Variants in GRK5 observed in about 807,000 individuals in gnomAD.
GRK5 encodes the protein g protein-coupled receptor kinase GRK5.
GRK5 carries 40 observed loss-of-function variants against 78.4 expected under a neutral mutation model. The observed-to-expected ratio is 0.51, with a 90% CI of 0.40 to 0.66. The LOEUF (loss-of-function observed/expected upper bound fraction) is 0.66. GRK5 is among the 30% of genes least tolerant of loss of function. The pLI is 0.00. For synonymous variants in GRK5, 289 were observed against 296.8 expected (o/e 0.97, Z 0.27); for missense variants, 598 against 759.9 (o/e 0.79, Z 2.50).
chr10:119,424,482 C>A (rs935949289), intron 5 of GRK5, among the ~76,000 whole-genome samples: 1 of 152,204 alleles, frequency 6.6e-6, no homozygotes, highest in Non-Finnish European at 1.5e-5. Flanking sequence ...CATAAAAAAA[C>A]TCCCAGTGGC....
intron 1 of GRK5, among the ~76,000 whole-genome samples, chr10:119,311,574 C>T (rs1027974405): frequency 1.3e-5 from 2 of 152,038 alleles, no homozygotes; most frequent in Non-Finnish European, 2.9e-5. Flanking sequence ...ATCACTTGAG[C>T]TCAGGAGTTT....
At chr10:119,310,755 C>T (rs921417426) in intron 1 of GRK5, among the ~76,000 whole-genome samples, 12 of 152,166 alleles carry the variant, frequency 7.9e-5, no homozygotes, top group African/African-American at 2.9e-4. Flanking sequence ...TGAGTGCCCA[C>T]CTCGTGCCTC....
intron 10 of GRK5, among the ~76,000 whole-genome samples, chr10:119,441,180 C>A (rs1853027260): frequency 1.3e-5 from 2 of 152,236 alleles, no homozygotes; most frequent in South Asian, 4.1e-4. Context: ...GTCTAAGAAC[C>A]AAGCCCACGC....
intron 1 of GRK5, among the ~76,000 whole-genome samples, chr10:119,312,500 ATACAGCCATGCTCATTTGTC>A (rs1850376797): frequency 6.6e-6 from 1 of 152,208 alleles, no homozygotes; most frequent in African/African-American, 2.4e-5. Flanking sequence ...TTTTATGGGA[ATACAGCCATGCTCATTTGTC>A]TACATACTGT....
At chr10:119,383,173 G>A (rs1215022879) in intron 3 of GRK5, among the ~76,000 whole-genome samples, 1 of 152,164 alleles carries the variant, frequency 6.6e-6, no homozygotes, top group Non-Finnish European at 1.5e-5. Flanking sequence ...CACCCACCTC[G>A]GCCTCCCAAA....
chr10:119,303,193 AC>A (rs1433564701), intron 1 of GRK5, among the ~76,000 whole-genome samples: 1 of 152,098 alleles, frequency 6.6e-6, no homozygotes, highest in Non-Finnish European at 1.5e-5. Context: ...TGAGAGTAAA[AC>A]GCTAGTTGGA....
At chr10:119,426,723 C>T (rs939522424) in intron 6 of GRK5, among the ~76,000 whole-genome samples, 5 of 151,794 alleles carry the variant, frequency 3.3e-5, no homozygotes, top group Admixed American at 6.6e-5. Context: ...AATATCCCAC[C>T]GCCATCATCA....
At chr10:119,350,745 T>G (rs73451614) in intron 2 of GRK5, among the ~76,000 whole-genome samples, 8,832 of 152,248 alleles carry the variant, frequency 0.058, 607 homozygotes, top group African/African-American at 0.17. Context: ...AAAAGCTGTT[T>G]GAGTTTCATG....
intron 4 of GRK5, among the ~76,000 whole-genome samples, chr10:119,417,326 C>T (rs1683478661): frequency 6.6e-6 from 1 of 152,206 alleles, no homozygotes; most frequent in African/African-American, 2.4e-5. Context: ...CCCCAGCCTG[C>T]CTCAGTGTCT....
chr10:119,428,939 T>C (rs993766124), intron 6 of GRK5, among the ~76,000 whole-genome samples: 3 of 152,238 alleles, frequency 2.0e-5, no homozygotes, highest in Non-Finnish European at 4.4e-5. Flanking sequence ...TCTGCGGAGA[T>C]GTCAACCAAC....
chr10:119,268,567 C>T (rs1175692504), intron 1 of GRK5, among the ~76,000 whole-genome samples: 1 of 152,218 alleles, frequency 6.6e-6, no homozygotes, highest in Non-Finnish European at 1.5e-5. Context: ...TAGGATGTGA[C>T]CTCCGACAGC....
chr10:119,249,267 G>A (rs1043779148), intron 1 of GRK5, among the ~76,000 whole-genome samples: 9 of 150,080 alleles, frequency 6.0e-5, no homozygotes, highest in Non-Finnish European at 1.3e-4. Context: ...GCGAAACTTC[G>A]TCTCAAAAAA....
chr10:119,312,479 T>C (rs1488544396), intron 1 of GRK5, among the ~76,000 whole-genome samples: 1 of 152,192 alleles, frequency 6.6e-6, no homozygotes, highest in Non-Finnish European at 1.5e-5. Context: ...TGCCTGTTTT[T>C]GTAAATGAAG....
At position 119,453,290 on chromosome 10, in the gene GRK5, G is replaced by A; in HGVS notation, c.1674+14G>A. On this transcript the variant is annotated intron_variant, in intron 15 of 15. Coordinates refer to ENST00000392870, the MANE Select transcript of GRK5 (RefSeq NM_005308.3). ...TTCAAGCGGCAGGTGAGACACCCAT[G>A]CCTGGCCAGTCCTGGCATCAGCTCC... The A allele has an allele frequency of 6.2e-7, 1 of 1,613,738 alleles. No homozygotes were observed. The highest frequency in any genetic ancestry group is 8.5e-7 in the Non-Finnish European group (1 of 1,179,950).
At chr10:119,225,953 A>T (rs1393828778) in intron 1 of GRK5, among the ~76,000 whole-genome samples, 1 of 150,454 alleles carries the variant, frequency 6.6e-6, no homozygotes, top group Non-Finnish European at 1.5e-5. Flanking sequence ...GGTTCACGCC[A>T]TTCTCCTGCT....
intron 2 of GRK5, among the ~76,000 whole-genome samples, chr10:119,365,044 C>A (rs1227914444): frequency 6.6e-6 from 1 of 152,088 alleles, no homozygotes; most frequent in Non-Finnish European, 1.5e-5. Context: ...TCAAGCCTGG[C>A]AGTTGGAGGG....
At chr10:119,356,317 C>T (rs1324120524) in intron 2 of GRK5, among the ~76,000 whole-genome samples, 1 of 152,214 alleles carries the variant, frequency 6.6e-6, no homozygotes, top group Non-Finnish European at 1.5e-5. Context: ...TTGCTTAGAC[C>T]TTCTTCCTTA....
intron 15 of GRK5, among the ~76,000 whole-genome samples, chr10:119,454,674 G>A (rs892818854): frequency 2.0e-5 from 3 of 152,182 alleles, no homozygotes; most frequent in Admixed American, 2.0e-4. Context: ...CTGCGAGGGA[G>A]GGGAAGACTG....
chr10:119,269,713 A>G (rs1849555718), intron 1 of GRK5, among the ~76,000 whole-genome samples: 1 of 151,642 alleles, frequency 6.6e-6, no homozygotes, highest in South Asian at 2.1e-4. Flanking sequence ...TGCTCCTGTA[A>G]TCCCAGCTAC....
Sources: allele counts gnomAD v4.1 joint callset (sites outside exome capture counted in the v4.1 genomes callset), GRCh38; gene constraint gnomAD v4.1.1; transcripts MANE v1.5; gene names NCBI Gene and HGNC (gene_info 2026-07-23, HGNC 2026-07-21).